Variants in METTL21A observed in about 807,000 individuals in gnomAD.
The protein encoded by METTL21A is protein N-lysine methyltransferase METTL21A.
METTL21A carries 22 observed loss-of-function variants against 20.9 expected under a neutral mutation model. The ratio of observed to expected loss-of-function variants is 1.05; its 90% CI spans 0.75 to 1.50. The LOEUF (loss-of-function observed/expected upper bound fraction) is 1.50, where lower values mean the gene tolerates loss of function less well. Among genes scored for constraint, METTL21A ranks in the 40% most tolerant of loss-of-function variants. The pLI is 0.00. For missense variants in METTL21A, 271 were observed against 266.8 expected (o/e 1.02, Z -0.11); for synonymous variants, 93 against 102.0 (o/e 0.91, Z 0.53).
downstream of METTL21A, among the ~76,000 whole-genome samples, chr2:207,604,743 C>T (rs1388295917): frequency 2.0e-5 from 3 of 152,268 alleles, no homozygotes; most frequent in East Asian, 1.9e-4. Flanking sequence ...TCCATTTTCT[C>T]CTCCCACCGC....
Position 207,621,580 on chromosome 2 carries a change from A to AGT in METTL21A, c.259+224_259+225dup, listed in dbSNP as rs556237624. Among the ~76,000 whole-genome samples the AGT allele has an allele frequency of 2.2e-3, 333 of 151,926 alleles. 1 individual carries two copies. Among genetic ancestry groups the AGT allele is most frequent in the Non-Finnish European group, 2.5e-3 (168 of 67,934 alleles). On this transcript the variant is annotated intron_variant, in intron 3 of 3. Coordinates refer to ENST00000406927, the Ensembl canonical transcript of METTL21A. The stretch of plus-strand genomic sequence containing the variant: ...CTCCCATGGGAAGTATAAATAACAG[A>AGT]GTGTGTGTGTGTGTGAGAGAGAGAG...
chr2:207,624,450 A>C, intron 1 of METTL21A, 46 bp from the exon 2 acceptor site: 1 of 1,503,812 alleles, frequency 6.6e-7, no homozygotes, highest in Non-Finnish European at 8.9e-7. Flanking sequence ...CAAAAGATAC[A>C]TTATCTGTTC....
At chr2:207,585,933 A>G (rs1198724295) in intron 3 of METTL21A, among the ~76,000 whole-genome samples, 2 of 152,174 alleles carry the variant, frequency 1.3e-5, no homozygotes, top group Non-Finnish European at 2.9e-5. Context: ...ATATAGGAAA[A>G]GGCATAGAAA....
downstream of METTL21A, among the ~76,000 whole-genome samples, chr2:207,605,029 T>C (rs1181483453): frequency 6.6e-6 from 1 of 152,232 alleles, no homozygotes; most frequent in Non-Finnish European, 1.5e-5. Context: ...AGTGCTGTTA[T>C]GAATGTTCGT....
chr2:207,586,868 A>G (rs1371611242), intron 3 of METTL21A, among the ~76,000 whole-genome samples: 1 of 152,264 alleles, frequency 6.6e-6, no homozygotes, highest in African/African-American at 2.4e-5. Context: ...GGTTATTATC[A>G]AAAAGACAAG....
chr2:207,586,018 C>T (rs2083761090), intron 3 of METTL21A, among the ~76,000 whole-genome samples: 1 of 152,092 alleles, frequency 6.6e-6, no homozygotes, highest in Non-Finnish European at 1.5e-5. Flanking sequence ...ACAGGAAGGT[C>T]ATATGTACTA....
At chr2:207,608,787 C>T (rs2088513665), downstream of METTL21A, among the ~76,000 whole-genome samples, 3 of 152,128 alleles carry the variant, frequency 2.0e-5, no homozygotes, top group African/African-American at 7.2e-5. Context: ...TTAGCCGGAC[C>T]GTGGTGGCAG....
downstream of METTL21A, among the ~76,000 whole-genome samples, chr2:207,604,963 C>G (rs547072794): frequency 7.9e-5 from 12 of 152,128 alleles, no homozygotes; most frequent in African/African-American, 2.9e-4. Flanking sequence ...AGATATATAC[C>G]ACAAGTTTAT....
Position 207,624,226 on chromosome 2 carries a change from T to G in METTL21A, c.147+3A>C. 1 of 1,598,316 alleles carries G rather than the reference T, an allele frequency of 6.3e-7. No individual in the cohort carries two copies. Among genetic ancestry groups the G allele is most frequent in the East Asian group, 2.3e-5 (1 of 44,408 alleles). Reference sequence around the variant, plus strand: ...TTTCAGAGGTCCCCCAGGGCTTACTTACCGCATCCCAAACCACCGCTGCGA... The same window carrying G: ...TTTCAGAGGTCCCCCAGGGCTTACTGACCGCATCCCAAACCACCGCTGCGA... On this transcript the variant is annotated splice_donor_region_variant and intron_variant, in intron 2 of 3. Coordinates refer to ENST00000406927, the Ensembl canonical transcript of METTL21A.
chr2:207,622,714 G>A (rs1401735777), intron 2 of METTL21A, among the ~76,000 whole-genome samples: 3 of 152,170 alleles, frequency 2.0e-5, no homozygotes, highest in African/African-American at 4.8e-5. Context: ...GGCATCAGAA[G>A]GTAAGTTTTG....
intron 2 of METTL21A, 88 bp downstream of exon 2, chr2:207,624,141 C>A: frequency 7.0e-7 from 1 of 1,424,908 alleles, no homozygotes; most frequent in Non-Finnish European, 9.4e-7. Flanking sequence ...TGAATTATAT[C>A]TCAATAAAGC....
exon 4 of METTL21A, chr2:207,582,062 C>A: frequency 1.4e-6 from 1 of 700,340 alleles, no homozygotes; most frequent in South Asian, 1.5e-5. Flanking sequence ...TAACTTTGAT[C>A]ACTTGGTTAA....
chr2:207,607,497 A>G (rs751950516), downstream of METTL21A, among the ~76,000 whole-genome samples: 7 of 151,432 alleles, frequency 4.6e-5, no homozygotes, highest in African/African-American at 1.7e-4. Flanking sequence ...AACATTCCAA[A>G]TAATGTTATT....
rs1277657828 is a variant in METTL21A, at chr2:207,624,405, C to T, written c.-29-1G>A. 1.9e-6 allele frequency: 3 copies of T among 1,599,462 alleles called. No homozygotes were observed. Among genetic ancestry groups the T allele is most frequent in the African/African-American group, 2.7e-5 (2 of 74,116 alleles). ...CCTGCACCCCGCCCTCTGCTCAGAC[C>T]TGCCGTGCAAAAGAATCCTGGGTGA... On this transcript the variant is annotated splice_acceptor_variant, in intron 1 of 3. Coordinates refer to ENST00000406927, the Ensembl canonical transcript of METTL21A. LOFTEE classifies it low-confidence loss of function (5UTR_SPLICE).
At chr2:207,581,827 T>C in exon 4 of METTL21A, 1 of 702,112 alleles carries the variant, frequency 1.4e-6, no homozygotes, top group South Asian at 1.5e-5. Flanking sequence ...CGCATTTAAT[T>C]ATAGTCTCCT....
intron 3 of METTL21A, among the ~76,000 whole-genome samples, chr2:207,595,761 G>T (rs553534320): frequency 6.6e-6 from 1 of 152,002 alleles, no homozygotes. Flanking sequence ...TAGAGACAGG[G>T]TCTTAATATA....
At chr2:207,615,142 T>C (rs1018912545) in intron 3 of METTL21A, among the ~76,000 whole-genome samples, 2 of 152,192 alleles carry the variant, frequency 1.3e-5, no homozygotes, top group Non-Finnish European at 2.9e-5. Context: ...GCCCAATGGA[T>C]AGATTTCAAT....
chr2:207,596,792 TAATA>T, intron 3 of METTL21A: 1 of 1,121,682 alleles, frequency 8.9e-7, no homozygotes, highest in Non-Finnish European at 1.3e-6. Context: ...TTCCAATGCT[TAATA>T]TATACTAAAA....
At chr2:207,583,874 T>C (rs1317124653) in intron 3 of METTL21A, among the ~76,000 whole-genome samples, 1 of 152,248 alleles carries the variant, frequency 6.6e-6, no homozygotes, top group Non-Finnish European at 1.5e-5. Flanking sequence ...TGAACTGTTT[T>C]CTACCCTTAT....
Sources: allele counts gnomAD v4.1 joint callset (sites outside exome capture counted in the v4.1 genomes callset), GRCh38; gene constraint gnomAD v4.1.1; transcripts MANE v1.5; gene names NCBI Gene and HGNC (gene_info 2026-07-23, HGNC 2026-07-21).